RILPL1: variants seen among roughly 807,000 people sequenced by gnomAD.
The protein encoded by RILPL1 is RILP-like protein 1.
Under a neutral mutation model 50.3 loss-of-function variants are expected in RILPL1, and 33 were observed. That is an observed-to-expected ratio of 0.66 (90% CI 0.50 to 0.88). RILPL1 has a LOEUF of 0.88. RILPL1 is among the 40% of genes least tolerant of loss of function. RILPL1 has a pLI of 0.00. For synonymous variants in RILPL1, 205 were observed against 228.6 expected (o/e 0.90, Z 0.93); for missense variants, 418 against 542.5 (o/e 0.77, Z 2.28).
intron 4 of RILPL1, among the ~76,000 whole-genome samples, chr12:123,486,234 C>T (rs1882324955): frequency 6.6e-6 from 1 of 152,190 alleles, no homozygotes; most frequent in African/African-American, 2.4e-5. Flanking sequence ...CACAATTCTC[C>T]ATTCCTTTTT....
intron 4 of RILPL1, among the ~76,000 whole-genome samples, chr12:123,488,688 A>C (rs1273768073): frequency 6.6e-6 from 1 of 152,144 alleles, no homozygotes; most frequent in Non-Finnish European, 1.5e-5. Flanking sequence ...CAGCAGGCCC[A>C]GGTTGGGGGA....
chr12:123,521,672 AAT>A (rs1408500139), intron 2 of RILPL1, among the ~76,000 whole-genome samples: 574 of 25,080 alleles, frequency 0.023, 14 homozygotes, highest in East Asian at 0.13. Context: ...TATATATATA[AAT>A]ATATATATAT....
intron 6 of RILPL1, chr12:123,475,776 CAG>C (rs2139304497): frequency 2.1e-6 from 3 of 1,457,188 alleles, no homozygotes; most frequent in African/African-American, 1.4e-5. Flanking sequence ...CAGATAGACA[CAG>C]AGAAGATAAA....
intron 2 of RILPL1, among the ~76,000 whole-genome samples, chr12:123,516,512 C>T (rs1055710148): frequency 6.6e-6 from 1 of 152,258 alleles, no homozygotes; most frequent in African/African-American, 2.4e-5. Context: ...TTCCTCCACT[C>T]CCTCCCCTCT....
chr12:123,509,977 G>A (rs981268321), intron 2 of RILPL1, among the ~76,000 whole-genome samples: 4 of 152,382 alleles, frequency 2.6e-5, no homozygotes, highest in South Asian at 2.1e-4. Context: ...CCTGGCATGT[G>A]TGGGGCAGGG....
At chr12:123,502,021 G>C (rs1432417333) in intron 2 of RILPL1, among the ~76,000 whole-genome samples, 2 of 150,500 alleles carry the variant, frequency 1.3e-5, no homozygotes, top group Non-Finnish European at 3.0e-5. Flanking sequence ...TGGAGGTTGT[G>C]GTGAGCTGAG....
At chr12:123,512,107 GGT>G (rs1287828993) in intron 2 of RILPL1, among the ~76,000 whole-genome samples, 7 of 128,932 alleles carry the variant, frequency 5.4e-5, no homozygotes, top group Non-Finnish European at 9.9e-5. Flanking sequence ...GTCTGTGTGT[GGT>G]GTGTGAGGTT....
intron 1 of RILPL1, among the ~76,000 whole-genome samples, chr12:123,532,955 GA>G (rs1436308956): frequency 6.6e-6 from 1 of 152,174 alleles, no homozygotes; most frequent in Non-Finnish European, 1.5e-5. Flanking sequence ...GGTGGGATTG[GA>G]ACTCCAGAGA....
In RILPL1 at chr12:123,472,199, A is replaced by G. The variant is rs1027514376; in HGVS notation, c.*339T>C. The G allele has an allele frequency of 1.9e-5, 5 of 269,724 alleles. No homozygotes were observed. The highest frequency in any genetic ancestry group is 3.6e-5 in the Non-Finnish European group (5 of 140,530). 16.7% of individuals were successfully genotyped at this position (269,724 alleles called of 1,614,324 possible). ...TTTATACAAAGCAAGTCAAACAGCA[A>G]TGATAGTGGCAAGTGATGTATTTGG... On this transcript the variant is annotated 3_prime_UTR_variant, in exon 7 of 7. Transcript: ENST00000376874.
chr12:123,500,079 C>CT (rs1285620571), intron 2 of RILPL1, among the ~76,000 whole-genome samples: 1 of 151,780 alleles, frequency 6.6e-6, no homozygotes, highest in East Asian at 1.9e-4. Flanking sequence ...CTACAGGGCC[C>CT]ACCACCACGC....
At chr12:123,515,787 C>T (rs1268487417) in intron 2 of RILPL1, among the ~76,000 whole-genome samples, 1 of 151,008 alleles carries the variant, frequency 6.6e-6, no homozygotes, top group Non-Finnish European at 1.5e-5. Context: ...GTAATCCCAG[C>T]ACTTTGGGAG....
chr12:123,484,289 G>A lies in RILPL1; in HGVS notation c.975-17C>T, dbSNP rs1882187253. On this transcript the variant is annotated splice_polypyrimidine_tract_variant and intron_variant, in intron 5 of 6. Transcript: ENST00000376874. ...ATTTCTTCACTGGAAGGAGATGAGA[G>A]GCGTGAGATAAAAGAGTCAAAAGTT... 3.3e-6 allele frequency: 5 copies of A among 1,536,884 alleles called. No individual in the cohort carries two copies. Among genetic ancestry groups the A allele is most frequent in the East Asian group, 2.2e-5 (1 of 44,512 alleles).
chr12:123,501,279 GA>G (rs970218036), intron 2 of RILPL1, among the ~76,000 whole-genome samples: 1 of 150,984 alleles, frequency 6.6e-6, no homozygotes, highest in Non-Finnish European at 1.5e-5. Context: ...TCTACAAAAA[GA>G]TTTTTTTTTT....
intron 1 of RILPL1, among the ~76,000 whole-genome samples, chr12:123,527,612 G>A (rs1021211895): frequency 2.0e-5 from 3 of 151,966 alleles, no homozygotes; most frequent in East Asian, 1.9e-4. Flanking sequence ...GCAGTGAGCC[G>A]AGATCATGCC....
chr12:123,518,361 G>C (rs1383433811), intron 2 of RILPL1: 2 of 424,976 alleles, frequency 4.7e-6, no homozygotes, highest in Non-Finnish European at 9.4e-6. Flanking sequence ...TTAAAACTTA[G>C]CCAGGCGTGG....
At chr12:123,504,133 G>A (rs1042556324) in intron 2 of RILPL1, among the ~76,000 whole-genome samples, 1 of 152,152 alleles carries the variant, frequency 6.6e-6, no homozygotes, top group African/African-American at 2.4e-5. Flanking sequence ...CCTTCCGTAG[G>A]TGCTGGGGCT....
chr12:123,492,409 G>A (rs1022031425), intron 4 of RILPL1, among the ~76,000 whole-genome samples: 3 of 152,158 alleles, frequency 2.0e-5, no homozygotes, highest in African/African-American at 7.2e-5. Flanking sequence ...ACAGCCTGCT[G>A]GTGGCCAGGG....
chr12:123,531,726 G>T (rs1885448884), intron 1 of RILPL1, among the ~76,000 whole-genome samples: 1 of 152,108 alleles, frequency 6.6e-6, no homozygotes, highest in African/African-American at 2.4e-5. Flanking sequence ...ACATTCTAAT[G>T]GGGGTACTAT....
intron 2 of RILPL1, among the ~76,000 whole-genome samples, chr12:123,508,525 T>C (rs1425833530): frequency 6.6e-6 from 1 of 152,214 alleles, no homozygotes; most frequent in Admixed American, 6.6e-5. Flanking sequence ...AAAACAAGGC[T>C]GAATTAATCT....
Sources: gnomAD v4.1 joint callset for allele counts (sites outside exome capture counted in the v4.1 genomes callset) on GRCh38, gnomAD v4.1.1 for gene constraint, MANE v1.5 for transcripts, NCBI Gene and HGNC (gene_info 2026-07-23, HGNC 2026-07-21) for gene names.